Variants in CTNNA3 observed in about 807,000 individuals in gnomAD.
The protein encoded by CTNNA3 is catenin alpha 3.
In CTNNA3, 76 loss-of-function variants were observed where a neutral mutation model predicts 95.7. That is an observed-to-expected ratio of 0.79 (90% confidence interval 0.66 to 0.96). The LOEUF is 0.96. CTNNA3 is among the 40% of genes least tolerant of loss of function. The pLI is 0.00. For missense variants in CTNNA3, 1,191 were observed against 1,089.8 expected, an observed-to-expected ratio of 1.09 and a Z score of -1.31; for synonymous variants, 431 against 374.4, an observed-to-expected ratio of 1.15 and a Z score of -1.74.
intron 3 of CTNNA3, among the ~76,000 whole-genome samples, chr10:67,604,823 G>A (rs1184355174): frequency 6.6e-6 from 1 of 152,204 alleles, no homozygotes; most frequent in African/African-American, 2.4e-5. Flanking sequence ...GACAAAGAGA[G>A]GGTCTCAGTT....
At chr10:67,390,423 A>C (rs1393721131) in intron 5 of CTNNA3, among the ~76,000 whole-genome samples, 1 of 152,244 alleles carries the variant, frequency 6.6e-6, no homozygotes, top group Non-Finnish European at 1.5e-5. Context: ...ACAGCTTACC[A>C]ACCAAAAAGA....
chr10:67,682,489 C>G (rs1840646616), intron 1 of CTNNA3, among the ~76,000 whole-genome samples: 1 of 152,088 alleles, frequency 6.6e-6, no homozygotes, highest in Non-Finnish European at 1.5e-5. Context: ...TTTCACCAAG[C>G]AGCCAAAATT....
At chr10:67,726,625 A>G (rs1564841360) in intron 1 of CTNNA3, among the ~76,000 whole-genome samples, 1 of 5,696 alleles carries the variant, frequency 1.8e-4, no homozygotes, top group East Asian at 6.2e-3. Context: ...TATAATATAT[A>G]TTATATTATA....
chr10:67,043,891 A>C (rs748299021), intron 7 of CTNNA3, among the ~76,000 whole-genome samples: 6 of 150,396 alleles, frequency 4.0e-5, no homozygotes, highest in Admixed American at 6.7e-5. Flanking sequence ...AGGCAATCTG[A>C]CAATTGGAGA....
At chr10:66,909,112 C>T (rs1041371220) in intron 7 of CTNNA3, among the ~76,000 whole-genome samples, 1 of 151,948 alleles carries the variant, frequency 6.6e-6, no homozygotes, top group Non-Finnish European at 1.5e-5. Flanking sequence ...GAGCCACTTG[C>T]GATAATACTA....
chr10:67,160,058 A>G (rs1344328422), intron 7 of CTNNA3, among the ~76,000 whole-genome samples: 2 of 152,174 alleles, frequency 1.3e-5, no homozygotes, highest in Admixed American at 6.5e-5. Flanking sequence ...AAAAAATGGC[A>G]AAGGACCCGA....
chr10:67,516,153 G>A (rs183300417), intron 5 of CTNNA3, among the ~76,000 whole-genome samples: 308 of 152,006 alleles, frequency 2.0e-3, no homozygotes, highest in African/African-American at 3.9e-3. Context: ...TAGTAGAGAC[G>A]GGGTTTCACC....
intron 9 of CTNNA3, among the ~76,000 whole-genome samples, chr10:66,737,748 C>G (rs898192036): frequency 6.6e-6 from 1 of 151,910 alleles, no homozygotes; most frequent in African/African-American, 2.4e-5. Flanking sequence ...CAACCTCTGA[C>G]TGCCTGGTTC....
chr10:66,477,838 T>G (rs1051313548), intron 11 of CTNNA3, among the ~76,000 whole-genome samples: 2 of 152,122 alleles, frequency 1.3e-5, no homozygotes, highest in African/African-American at 2.4e-5. Context: ...ATAGTGCAAC[T>G]CCTAACTTTA....
intron 13 of CTNNA3, among the ~76,000 whole-genome samples, chr10:66,115,896 T>C (rs1463730628): frequency 6.6e-6 from 1 of 152,162 alleles, no homozygotes; most frequent in East Asian, 1.9e-4. Flanking sequence ...TGTTGCTCCA[T>C]AAGACAGTAA....
intron 5 of CTNNA3, among the ~76,000 whole-genome samples, chr10:67,426,075 C>A (rs1003934677): frequency 6.6e-6 from 1 of 151,930 alleles, no homozygotes; most frequent in African/African-American, 2.4e-5. Context: ...AGTGTTCCAG[C>A]GCATGAAATG....
chr10:67,004,360 T>C (rs1290150942), intron 7 of CTNNA3, among the ~76,000 whole-genome samples: 1 of 152,210 alleles, frequency 6.6e-6, no homozygotes, highest in Non-Finnish European at 1.5e-5. Context: ...AAAAATTAAA[T>C]GGTAATGATG....
rs1840136023 is a variant in CTNNA3 at position 66,772,569 on chromosome 10, G to C, written c.1128+2875C>G. Among the ~76,000 whole-genome samples, 4 of 152,116 alleles carry C rather than the reference G, an allele frequency of 2.6e-5. No individual in the cohort carries two copies. The South Asian group carries it at 8.3e-4, about 32-fold the overall frequency. On this transcript the variant is annotated intron_variant, in intron 8 of 17. Transcript: ENST00000433211. ...GATTAAGTCAGGGCCAAATCACAGAGAACCTAGAACACCATGCCAAGAACA... is the reference window on the plus strand; with the variant it reads ...GATTAAGTCAGGGCCAAATCACAGACAACCTAGAACACCATGCCAAGAACA...
upstream of CTNNA3, among the ~76,000 whole-genome samples, chr10:67,699,073 T>A (rs1176004818): frequency 6.6e-6 from 1 of 152,174 alleles, no homozygotes; most frequent in African/African-American, 2.4e-5. Flanking sequence ...TAATCTCTCT[T>A]GTGTGCTGGA....
At chr10:67,223,657 A>G (rs1431337943) in intron 5 of CTNNA3, among the ~76,000 whole-genome samples, 10 of 152,238 alleles carry the variant, frequency 6.6e-5, no homozygotes, top group Non-Finnish European at 2.9e-5. Context: ...AAATATATTT[A>G]GGAATATTAT....
At chr10:66,403,340 G>A (rs1280685901) in intron 11 of CTNNA3, among the ~76,000 whole-genome samples, 1 of 152,100 alleles carries the variant, frequency 6.6e-6, no homozygotes, top group African/African-American at 2.4e-5. Context: ...AGACATACCT[G>A]TGACCAGGTA....
In CTNNA3 at chr10:66,710,052, G is replaced by A. The variant is rs76405422; in HGVS notation, c.1281+56212C>T. 2.2e-4 allele frequency among the ~76,000 whole-genome samples: 33 copies of A among 152,262 alleles called. No individual in the cohort carries two copies. In the East Asian group the frequency reaches 5.2e-3, roughly 24 times the overall value. On this transcript the variant is annotated intron_variant, in intron 9 of 17. Coordinates refer to ENST00000433211, the MANE Select transcript of CTNNA3 (RefSeq NM_013266.4). The stretch of plus-strand genomic sequence containing the variant: ...CTTTGAGATCAAGGCCAATTGTAGC[G>A]ACATAGAATGTTGAAACTGAAAGGG...
rs1564510362 is a variant in CTNNA3, at chr10:65,913,938, T to A, written c.*6392A>T. 1 of 152,168 alleles carries A rather than the reference T, an allele frequency of 6.6e-6. No individual in the cohort carries two copies. The highest frequency in any genetic ancestry group is 1.5e-5 in the Non-Finnish European group (1 of 68,022). The allele number at this position is 152,168 out of a possible 1,614,324, so 9.4% of individuals were successfully genotyped here. A position where few individuals can be genotyped will look rare whatever the true frequency, so the allele number is the denominator to read the frequency against. On this transcript the variant is annotated 3_prime_UTR_variant, in exon 18 of 18. Coordinates refer to ENST00000433211, the MANE Select transcript of CTNNA3 (RefSeq NM_013266.4). ...GGGCTGTCAGAATAGAAAAGCAAGA[T>A]ATCTACAGGCTTTTGAACTATTGAT...
At position 67,180,313 on chromosome 10, in the gene CTNNA3, C is replaced by G; in HGVS notation, c.1047+4G>C. 5 of 1,612,808 alleles carry G rather than the reference C, an allele frequency of 3.1e-6. No homozygotes were observed. The highest frequency in any genetic ancestry group is 4.2e-6 in the Non-Finnish European group (5 of 1,179,578). On this transcript the variant is annotated splice_donor_region_variant and intron_variant, in intron 7 of 17. Transcript: ENST00000433211. The stretch of plus-strand genomic sequence containing the variant: ...AGGGATGGGAAGGCAAACCAGTCAC[C>G]TACGTTGTTCATGTACTCTGAAAGC...
Sources: gnomAD v4.1 joint callset for allele counts (sites outside exome capture counted in the v4.1 genomes callset) on GRCh38, gnomAD v4.1.1 for gene constraint, MANE v1.5 for transcripts, NCBI Gene and HGNC (gene_info 2026-07-23, HGNC 2026-07-21) for gene names.